Variants in LRRC31 observed in about 807,000 individuals in gnomAD.
LRRC31 encodes the protein leucine-rich repeat-containing protein 31.
LRRC31 carries 35 observed loss-of-function variants against 46.7 expected under a neutral mutation model. The ratio of observed to expected loss-of-function variants is 0.75; its 90% CI spans 0.57 to 0.99. The LOEUF (loss-of-function observed/expected upper bound fraction) is 0.99, where lower values mean the gene tolerates loss of function less well. Ranked by LOEUF, LRRC31 falls within the 50% of genes least tolerant of loss-of-function variation. The probability of loss-of-function intolerance (pLI) is 0.00; values close to 1 mark genes in which losing one functional copy is unlikely to be tolerated. For missense variants in LRRC31, 613 were observed against 626.1 expected (o/e 0.98, Z 0.22); for synonymous variants, 236 against 235.1 (o/e 1.00, Z -0.03).
intron 1 of LRRC31, among the ~76,000 whole-genome samples, chr3:169,862,729 C>T (rs1781206462): frequency 6.6e-6 from 1 of 151,926 alleles, no homozygotes; most frequent in African/African-American, 2.4e-5. Flanking sequence ...CCACTTCACA[C>T]CAGCCTGGCA....
intron 3 of LRRC31, among the ~76,000 whole-genome samples, chr3:169,857,642 C>G (rs1050543461): frequency 2.6e-5 from 4 of 151,636 alleles, no homozygotes; most frequent in Non-Finnish European, 5.9e-5. Context: ...GAGAAGTGAC[C>G]AAACAGATCT....
chr3:169,848,007 A>G, intron 8 of LRRC31, 113 bp downstream of exon 8: 1 of 985,726 alleles, frequency 1.0e-6, no homozygotes. Context: ...GAATCTGCAC[A>G]GAGGGCTTCA....
Position 169,869,894 on chromosome 3 carries a change from G to T in LRRC31, c.-87C>A. 1 of 1,266,382 alleles carries T rather than the reference G, an allele frequency of 7.9e-7. No individual in the cohort carries two copies. Among genetic ancestry groups the T allele is most frequent in the Non-Finnish European group, 1.1e-6 (1 of 931,740 alleles). The allele number at this position is 1,266,382 out of a possible 1,614,324, so 78.4% of individuals were successfully genotyped here. A position where few individuals can be genotyped will look rare whatever the true frequency, so the allele number is the denominator to read the frequency against. On this transcript the variant is annotated 5_prime_UTR_variant, in exon 1 of 9. Coordinates refer to ENST00000316428, the MANE Select transcript of LRRC31 (RefSeq NM_024727.4). Reference sequence around the variant, plus strand: ...ATTTCTAAGAAGAAAAGAAGATTCTGTCAAGCCTGTGTTCAATCAAAATAT... The same window carrying T: ...ATTTCTAAGAAGAAAAGAAGATTCTTTCAAGCCTGTGTTCAATCAAAATAT...
rs7637973 is a variant in LRRC31, at chr3:169,855,034, T to C, written c.824-54A>G. 7,060 of 1,488,528 alleles carry C rather than the reference T, an allele frequency of 4.7e-3. 264 individuals carry two copies. The African/African-American group carries it at 0.086, about 18-fold the overall frequency. 92.2% of individuals were successfully genotyped at this position (1,488,528 alleles called of 1,614,324 possible). ...GTAGCTGGACACAGTGGTGTACCTA[T>C]AGTCCCAGCTGCTAGGGAGACCAAG... On this transcript the variant is annotated intron_variant, in intron 5 of 8. Transcript: ENST00000316428.
intron 8 of LRRC31, among the ~76,000 whole-genome samples, chr3:169,847,050 G>A (rs1452279444): frequency 1.3e-5 from 2 of 152,256 alleles, no homozygotes; most frequent in South Asian, 2.1e-4. Flanking sequence ...ATTGGGAGGC[G>A]CGCTCATTGC....
chr3:169,853,223 A>T (rs570300714), intron 6 of LRRC31: 8 of 985,258 alleles, frequency 8.1e-6, no homozygotes, highest in East Asian at 2.3e-4. Context: ...ATCAGTAGTT[A>T]TTGCTTAAAG....
intron 5 of LRRC31, 76 bp from the exon 6 acceptor site, chr3:169,855,056 C>A: frequency 7.8e-7 from 1 of 1,279,808 alleles, no homozygotes; most frequent in Non-Finnish European, 1.1e-6. Flanking sequence ...CTAGGGAGAC[C>A]AAGGCAGGAG....
intron 1 of LRRC31, among the ~76,000 whole-genome samples, chr3:169,867,075 G>A (rs1336347772): frequency 8.3e-6 from 1 of 120,628 alleles, no homozygotes; most frequent in Non-Finnish European, 1.6e-5. Context: ...TTTTTTTTGA[G>A]GGTCTTGCTC....
intron 8 of LRRC31, among the ~76,000 whole-genome samples, chr3:169,845,483 G>C (rs1381266840): frequency 6.6e-6 from 1 of 152,186 alleles, no homozygotes; most frequent in African/African-American, 2.4e-5. Context: ...AATCAAGACA[G>C]CGTGATATTG....
chr3:169,846,848 C>G (rs1780619295), intron 8 of LRRC31, among the ~76,000 whole-genome samples: 1 of 152,198 alleles, frequency 6.6e-6, no homozygotes, highest in Non-Finnish European at 1.5e-5. Flanking sequence ...TTCATAGCTT[C>G]TGTTTTTTAA....
At chr3:169,847,311 G>A (rs1419217910) in intron 8 of LRRC31, among the ~76,000 whole-genome samples, 4 of 152,090 alleles carry the variant, frequency 2.6e-5, no homozygotes, top group Non-Finnish European at 4.4e-5. Flanking sequence ...TCAGCCTCCC[G>A]AGTAGCTGGG....
At position 169,869,928 on chromosome 3, in the gene LRRC31, A is replaced by C; in HGVS notation, c.-121T>G. 1 of 771,792 alleles carries C rather than the reference A, an allele frequency of 1.3e-6. No individual in the cohort carries two copies. The highest frequency in any genetic ancestry group is 1.9e-6 in the Non-Finnish European group (1 of 519,790). The allele number at this position is 771,792 out of a possible 1,614,324, so 47.8% of individuals were successfully genotyped here. On this transcript the variant is annotated 5_prime_UTR_variant, in exon 1 of 9. An upstream open reading frame in the 5' UTR loses its in-frame stop. Transcript: ENST00000316428. ...GTGTTCAATCAAAATATCCTCCCCT[A>C]CATGACTGCCCCCCACTCCCTGCCG...
chr3:169,857,369 CAA>C (rs1400532776), intron 3 of LRRC31, among the ~76,000 whole-genome samples: 5,208 of 96,464 alleles, frequency 0.054, 220 homozygotes, highest in East Asian at 0.12. Flanking sequence ...CACACACACA[CAA>C]GTATATATAT....
rs1491209579 is a variant in LRRC31 at position 169,857,345 on chromosome 3, T to TATATATATATATATACAC, written c.488-474_488-473insGTGTATATATATATATAT. 6.8e-3 allele frequency among the ~76,000 whole-genome samples: 610 copies of TATATATATATATATACAC among 89,116 alleles called. 9 individuals are homozygous for TATATATATATATATACAC. Among genetic ancestry groups the TATATATATATATATACAC allele is most frequent in the Admixed American group, 9.3e-3 (66 of 7,112 alleles). The allele number at this position is 89,116 out of a possible 152,430, so 58.5% of individuals were successfully genotyped here. ...ATATATATATATATATATATATATA[T>TATATATATATATATACAC]ACACACACACACACACACACACACA... On this transcript the variant is annotated intron_variant, in intron 3 of 8. Transcript: ENST00000316428.
In LRRC31 at chr3:169,843,333, G is replaced by C. The variant is rs140240195; in HGVS notation, c.1328-3020C>G. On this transcript the variant is annotated intron_variant, in intron 8 of 8. Coordinates refer to ENST00000316428, the MANE Select transcript of LRRC31 (RefSeq NM_024727.4). The stretch of plus-strand genomic sequence containing the variant: ...GGGACCCTCAGTCCTAAAGCTGCAA[G>C]GTCCTCGACTCTGTCAACAAGAATG... 5.4e-3 allele frequency among the ~76,000 whole-genome samples: 820 copies of C among 152,294 alleles called. 10 individuals are homozygous for C. The highest frequency in any genetic ancestry group is 0.019 in the African/African-American group (789 of 41,560).
At chr3:169,848,035 C>T (rs903411664) in intron 8 of LRRC31, 85 bp downstream of exon 8, 13 of 1,383,982 alleles carry the variant, frequency 9.4e-6, no homozygotes, top group Non-Finnish European at 1.1e-5. Context: ...TCTGGTACCT[C>T]CCCCACCTCC....
At chr3:169,852,402 CAAAAAAAAAAAAAAA>C (rs11344242) in intron 6 of LRRC31, among the ~76,000 whole-genome samples, 1 of 88,486 alleles carries the variant, frequency 1.1e-5, no homozygotes, top group Admixed American at 1.1e-4. Flanking sequence ...GACTCCGTCT[CAAAAAAAAAAAAAAA>C]AAAAAAAAAA....
chr3:169,843,194 G>A (rs973288369), intron 8 of LRRC31, among the ~76,000 whole-genome samples: 1 of 152,236 alleles, frequency 6.6e-6, no homozygotes, highest in African/African-American at 2.4e-5. Context: ...GATTTAAAGT[G>A]TGAGAGGCAC....
intron 4 of LRRC31, 98 bp downstream of exon 4, chr3:169,856,607 C>T (rs746103497): frequency 1.6e-4 from 219 of 1,388,734 alleles, no homozygotes; most frequent in Non-Finnish European, 2.0e-4. Context: ...CTCCTACATA[C>T]CCTTCTTTAA....
Sources: gnomAD v4.1 joint callset for allele counts (sites outside exome capture counted in the v4.1 genomes callset) on GRCh38, gnomAD v4.1.1 for gene constraint, MANE v1.5 for transcripts, NCBI Gene and HGNC (gene_info 2026-07-23, HGNC 2026-07-21) for gene names.